Variants in SRGAP2B observed in about 807,000 individuals in gnomAD.
SRGAP2B encodes SLIT-ROBO Rho GTPase-activating protein 2B.
Under a neutral mutation model 22.2 loss-of-function variants are expected in SRGAP2B, and 9 were observed. That is an observed-to-expected ratio of 0.41 (90% CI 0.24 to 0.71). The LOEUF is 0.71. Among genes scored for constraint, SRGAP2B ranks in the 30% least tolerant of loss-of-function variants. The probability of loss-of-function intolerance (pLI) is 0.35; values close to 1 mark genes in which losing one functional copy is unlikely to be tolerated. For synonymous variants in SRGAP2B, 36 were observed against 87.4 expected, an observed-to-expected ratio of 0.41 and a Z score of 3.28; for missense variants, 114 against 235.8, an observed-to-expected ratio of 0.48 and a Z score of 3.38.
intron 4 of SRGAP2B, among the ~76,000 whole-genome samples, chr1:144,929,962 AG>A (rs1665052210): frequency 6.7e-6 from 1 of 149,200 alleles, no homozygotes; most frequent in African/African-American, 2.5e-5. Flanking sequence ...TTGTCCTGCT[AG>A]CCCTACAAGT....
intron 3 of SRGAP2B, among the ~76,000 whole-genome samples, chr1:144,957,742 C>T (rs143050495): frequency 0.012 from 1,854 of 150,554 alleles, 37 homozygotes; most frequent in Admixed American, 0.024. Context: ...GTCTCCATTG[C>T]AAGAAAACTT....
In SRGAP2B at chr1:145,007,306, AC is replaced by A. The variant is rs1312553847; in HGVS notation, c.68-12107del. Among the ~76,000 whole-genome samples the A allele has an allele frequency of 5.3e-5, 8 of 149,556 alleles. 1 individual carries two copies. The highest frequency in any genetic ancestry group is 1.0e-4 in the Non-Finnish European group (7 of 67,770). On this transcript the variant is annotated intron_variant, in intron 2 of 9. Coordinates refer to ENST00000612199, the Ensembl canonical transcript of SRGAP2B. The stretch of plus-strand genomic sequence containing the variant: ...ATCCATTTGTTTCTAATGCTGAGAT[AC>A]GGCCTCATGTGGTTGTCTGTCATAG...
intron 4 of SRGAP2B, among the ~76,000 whole-genome samples, chr1:144,924,731 CAAAAAA>C (rs1156257790): frequency 3.4e-5 from 2 of 58,198 alleles, no homozygotes; most frequent in African/African-American, 1.5e-4. Flanking sequence ...AACTCCGTCT[CAAAAAA>C]AAAAAAAAAA....
chr1:144,958,463 G>A (rs1553610769), intron 3 of SRGAP2B, among the ~76,000 whole-genome samples: 1 of 145,302 alleles, frequency 6.9e-6, no homozygotes, highest in Non-Finnish European at 1.5e-5. Flanking sequence ...TTCAAGACCA[G>A]CCTGGCCAGC....
intron 3 of SRGAP2B, among the ~76,000 whole-genome samples, chr1:144,979,777 G>T (rs1553614791): frequency 6.6e-6 from 1 of 151,532 alleles, no homozygotes; most frequent in Admixed American, 6.6e-5. Context: ...TGGCTCCCCG[G>T]TGCCTTCTGC....
intron 4 of SRGAP2B, among the ~76,000 whole-genome samples, chr1:144,916,093 T>C (rs1663872605): frequency 6.7e-6 from 1 of 150,274 alleles, no homozygotes; most frequent in Admixed American, 6.6e-5. Flanking sequence ...TTTTTCTGAT[T>C]ACAAAAGTAA....
At chr1:144,904,996 C>T in intron 7 of SRGAP2B, 95 bp downstream of exon 7, 2 of 637,368 alleles carry the variant, frequency 3.1e-6, no homozygotes, top group South Asian at 3.6e-5. Flanking sequence ...TCTCAAAATG[C>T]ACCAGATTCC....
At chr1:145,072,801 C>T (rs199490458) in intron 2 of SRGAP2B, among the ~76,000 whole-genome samples, 1 of 149,184 alleles carries the variant, frequency 6.7e-6, no homozygotes, top group Non-Finnish European at 1.5e-5. Context: ...AGATCAACCA[C>T]TTCTGCCTCC....
chr1:145,066,692 C>T (rs1188016009), intron 2 of SRGAP2B, among the ~76,000 whole-genome samples: 21 of 151,406 alleles, frequency 1.4e-4, no homozygotes, highest in East Asian at 3.9e-4. Flanking sequence ...CACCCCAGCC[C>T]GGGAGCACAG....
chr1:145,011,824 C>A (rs1335983783), intron 2 of SRGAP2B, among the ~76,000 whole-genome samples: 2 of 150,018 alleles, frequency 1.3e-5, no homozygotes, highest in East Asian at 3.9e-4. Flanking sequence ...ACTCTCCACA[C>A]TGCAGCCCTG....
chr1:144,920,761 C>T (rs1253381236), intron 4 of SRGAP2B, among the ~76,000 whole-genome samples: 3 of 150,408 alleles, frequency 2.0e-5, no homozygotes, highest in Non-Finnish European at 4.4e-5. Flanking sequence ...ATTAATGAGT[C>T]ATTATACACA....
rs1350166266 is a variant in SRGAP2B, at chr1:144,917,717, G to A, written c.424-2963C>T. 2.2e-5 allele frequency: 3 copies of A among 137,864 alleles called. 1 individual carries two copies. In the East Asian group the frequency reaches 6.1e-4, roughly 28 times the overall value. 8.5% of individuals were successfully genotyped at this position (137,864 alleles called of 1,614,324 possible). ...ACTGCTCCCTCTGGCTGAGGGTTGG[G>A]CTGGGAATACATGTGTAGCGAGCCC... On this transcript the variant is annotated intron_variant, in intron 4 of 9. Coordinates refer to ENST00000612199, the Ensembl canonical transcript of SRGAP2B.
At chr1:144,925,793 A>AAGAAAGAG (rs1664689759) in intron 4 of SRGAP2B, among the ~76,000 whole-genome samples, 1 of 81,642 alleles carries the variant, frequency 1.2e-5, no homozygotes, top group African/African-American at 4.7e-5. Context: ...GAAAGAAAGA[A>AAGAAAGAG]AGGAGAGAGA....
chr1:144,889,257 T>A (rs1288676403), exon 10 of SRGAP2B: 1 of 148,282 alleles, frequency 6.7e-6, no homozygotes, highest in Non-Finnish European at 1.5e-5. Context: ...ATCTGGCCTA[T>A]TTATTTTTTA....
At chr1:144,990,868 G>C (rs1553616942) in intron 3 of SRGAP2B, among the ~76,000 whole-genome samples, 1 of 151,410 alleles carries the variant, frequency 6.6e-6, no homozygotes, top group Middle Eastern at 3.2e-3. Context: ...TTCTCGCTGG[G>C]CCTTAGCTGC....
chr1:144,940,740 T>C (rs1665968917), intron 4 of SRGAP2B, among the ~76,000 whole-genome samples: 1 of 145,432 alleles, frequency 6.9e-6, no homozygotes, highest in South Asian at 2.2e-4. Flanking sequence ...GAGGCGGAGG[T>C]TGCAGTGAGC....
At chr1:145,023,131 C>T (rs1230534101) in intron 2 of SRGAP2B, among the ~76,000 whole-genome samples, 2 of 144,688 alleles carry the variant, frequency 1.4e-5, no homozygotes, top group Admixed American at 1.4e-4. Flanking sequence ...CGCGCCACTG[C>T]ACTCCAGCCT....
chr1:145,089,201 A>C (rs587770836), intron 2 of SRGAP2B, among the ~76,000 whole-genome samples: 1 of 150,938 alleles, frequency 6.6e-6, no homozygotes, highest in East Asian at 1.9e-4. Flanking sequence ...TACATATAAA[A>C]GCATAATGTA....
At chr1:145,039,584 C>T (rs1649021785) in intron 2 of SRGAP2B, among the ~76,000 whole-genome samples, 1 of 96,272 alleles carries the variant, frequency 1.0e-5, no homozygotes, top group Admixed American at 1.2e-4. Flanking sequence ...TCCACCACTG[C>T]CCCAGTCAAC....
Sources: gnomAD v4.1 joint callset for allele counts (sites outside exome capture counted in the v4.1 genomes callset) on GRCh38, gnomAD v4.1.1 for gene constraint, MANE v1.5 for transcripts, NCBI Gene and HGNC (gene_info 2026-07-23, HGNC 2026-07-21) for gene names.